The following ARL15 variants were observed in gnomAD, a reference collection of about 807,000 sequenced individuals.
ARL15 encodes the protein ADP-ribosylation factor-like protein 15.
In ARL15, 19 loss-of-function variants were observed where a neutral mutation model predicts 25.2. The ratio of observed to expected loss-of-function variants is 0.75; its 90% CI spans 0.53 to 1.10. The LOEUF is 1.10. ARL15 is among the 50% of genes least tolerant of loss of function. The pLI is 0.00. For missense variants in ARL15, 220 were observed against 246.0 expected (o/e 0.89, Z 0.71); for synonymous variants, 94 against 86.8 (o/e 1.08, Z -0.46).
chr5:54,060,044 C>G (rs1751014336), intron 4 of ARL15, among the ~76,000 whole-genome samples: 1 of 148,194 alleles, frequency 6.7e-6, no homozygotes, highest in Non-Finnish European at 1.5e-5. Context: ...ATCCTGAATT[C>G]CAGTGGAAGG....
At chr5:54,016,924 G>A (rs1186065860) in intron 4 of ARL15, among the ~76,000 whole-genome samples, 1 of 152,132 alleles carries the variant, frequency 6.6e-6, no homozygotes, top group Non-Finnish European at 1.5e-5. Context: ...CGGAGAGATC[G>A]ATTTCATGGT....
At chr5:54,075,736 C>T (rs154019) in intron 4 of ARL15, among the ~76,000 whole-genome samples, 76,282 of 152,012 alleles carry the variant, frequency 0.5, 21,335 homozygotes, top group Non-Finnish European at 0.62. Flanking sequence ...ATCTGCCCAC[C>T]TTGGCTTCCC....
intron 4 of ARL15, among the ~76,000 whole-genome samples, chr5:54,111,265 G>A (rs1233647824): frequency 2.6e-5 from 4 of 151,960 alleles, no homozygotes; most frequent in African/African-American, 7.2e-5. Context: ...AGCCACATAT[G>A]CTCCAGTATA....
At chr5:53,943,104 G>T (rs1746598764) in intron 4 of ARL15, among the ~76,000 whole-genome samples, 1 of 152,134 alleles carries the variant, frequency 6.6e-6, no homozygotes, top group Non-Finnish European at 1.5e-5. Flanking sequence ...AGGAGGGCTG[G>T]TCAGTGGGGA....
chr5:54,005,377 T>C (rs16881971), intron 4 of ARL15, among the ~76,000 whole-genome samples: 42,075 of 152,010 alleles, frequency 0.28, 6,064 homozygotes, highest in East Asian at 0.45. Context: ...GGTGACTGTA[T>C]TTATAATGGT....
intron 4 of ARL15, among the ~76,000 whole-genome samples, chr5:54,074,084 C>T (rs991552771): frequency 1.3e-5 from 2 of 152,196 alleles, no homozygotes; most frequent in African/African-American, 4.8e-5. Flanking sequence ...AGTCTTTCTT[C>T]TAGCTCACCC....
intron 4 of ARL15, among the ~76,000 whole-genome samples, chr5:54,086,157 G>A (rs575264377): frequency 4.7e-4 from 71 of 152,120 alleles, no homozygotes; most frequent in African/African-American, 1.7e-3. Flanking sequence ...CAGGTGATCC[G>A]CCCGCCTCGG....
At chr5:54,058,736 G>C (rs1750967519) in intron 4 of ARL15, among the ~76,000 whole-genome samples, 1 of 152,148 alleles carries the variant, frequency 6.6e-6, no homozygotes, top group South Asian at 2.1e-4. Context: ...GGAAGTGGTG[G>C]AATCCAGATC....
intron 4 of ARL15, among the ~76,000 whole-genome samples, chr5:54,094,024 G>A (rs1376628427): frequency 2.6e-5 from 4 of 152,126 alleles, no homozygotes; most frequent in Middle Eastern, 3.2e-3. Context: ...GAAACAACTC[G>A]GGAAACAGAT....
intron 4 of ARL15, among the ~76,000 whole-genome samples, chr5:54,011,369 T>C (rs1749237883): frequency 6.6e-6 from 1 of 152,222 alleles, no homozygotes; most frequent in African/African-American, 2.4e-5. Context: ...CAGTAATGTG[T>C]GCATTTCTTA....
chr5:54,199,151 A>G (rs1755641648), intron 1 of ARL15, among the ~76,000 whole-genome samples: 3 of 152,360 alleles, frequency 2.0e-5, no homozygotes, highest in Middle Eastern at 6.8e-3. Flanking sequence ...TCAATTCCAG[A>G]TGGATTAAAG....
intron 1 of ARL15, among the ~76,000 whole-genome samples, chr5:54,283,848 G>T (rs1758120574): frequency 6.6e-6 from 1 of 152,174 alleles, no homozygotes; most frequent in African/African-American, 2.4e-5. Flanking sequence ...TCCAAAATGA[G>T]ATGTAACTGA....
At chr5:53,994,097 AGATGCCACTTTGG>A (rs755701818) in intron 4 of ARL15, among the ~76,000 whole-genome samples, 62 of 152,336 alleles carry the variant, frequency 4.1e-4, no homozygotes, top group Non-Finnish European at 7.2e-4. Context: ...ATTACTGAAA[AGATGCCACTTTGG>A]GACCCTTGCT....
chr5:53,988,470 C>T (rs974514680), intron 4 of ARL15, among the ~76,000 whole-genome samples: 2 of 152,034 alleles, frequency 1.3e-5, no homozygotes, highest in African/African-American at 4.8e-5. Context: ...CGCATAACAG[C>T]TGCTCATTAA....
intron 4 of ARL15, among the ~76,000 whole-genome samples, chr5:53,940,269 G>A (rs886786007): frequency 3.3e-5 from 5 of 152,046 alleles, no homozygotes; most frequent in Admixed American, 3.3e-4. Context: ...CACCGCGCCC[G>A]GCAGTCCTGA....
At chr5:54,288,133 C>G (rs1421214349) in intron 1 of ARL15, among the ~76,000 whole-genome samples, 1 of 152,162 alleles carries the variant, frequency 6.6e-6, no homozygotes, top group Admixed American at 6.5e-5. Flanking sequence ...CTAATAACCC[C>G]AGGAGAAGTA....
At chr5:53,956,750 T>C (rs192779077) in intron 4 of ARL15, among the ~76,000 whole-genome samples, 46 of 151,876 alleles carry the variant, frequency 3.0e-4, no homozygotes, top group African/African-American at 6.3e-4. Flanking sequence ...AATAAAGAGA[T>C]AGAAATTACA....
At chr5:54,275,058 C>T (rs1191572887) in intron 1 of ARL15, among the ~76,000 whole-genome samples, 2 of 152,194 alleles carry the variant, frequency 1.3e-5, no homozygotes, top group African/African-American at 2.4e-5. Context: ...TAGATTCAAT[C>T]TTGGCCCATA....
intron 4 of ARL15, among the ~76,000 whole-genome samples, chr5:54,111,598 CT>C (rs1355089430): frequency 6.6e-6 from 1 of 151,914 alleles, no homozygotes; most frequent in Non-Finnish European, 1.5e-5. Context: ...AAGAAAAAAT[CT>C]TTTTTCAGAT....
Sources: gnomAD v4.1 joint callset for allele counts (sites outside exome capture counted in the v4.1 genomes callset) on GRCh38, gnomAD v4.1.1 for gene constraint, MANE v1.5 for transcripts, NCBI Gene and HGNC (gene_info 2026-07-23, HGNC 2026-07-21) for gene names.